Variants in MRC2 observed in about 807,000 individuals in gnomAD.
MRC2 encodes C-type mannose receptor 2.
In MRC2, 84 loss-of-function variants were observed where a neutral mutation model predicts 206.2. That is an observed-to-expected ratio of 0.41 (90% confidence interval 0.34 to 0.49). MRC2 has a LOEUF of 0.49. MRC2 is among the 20% of genes least tolerant of loss of function. MRC2 has a pLI of 0.31. For missense variants in MRC2, 1,676 were observed against 2,001.5 expected (o/e 0.84, Z 3.10); for synonymous variants, 798 against 800.0 (o/e 1.00, Z 0.04).
rs1451400199 is a variant in MRC2, at chr17:62,675,195, GC to G, written c.1570-592del. Among the ~76,000 whole-genome samples the G allele has an allele frequency of 6.6e-6, 1 of 152,130 alleles. No homozygotes were observed. The highest frequency in any genetic ancestry group is 6.5e-5 in the Admixed American group (1 of 15,268). The stretch of plus-strand genomic sequence containing the variant: ...GAGTGTTGAGGGTCCATGGTTAACA[GC>G]CCAGGATCACCAGGGGTCTTGGCAC... On this transcript the variant is annotated intron_variant, in intron 9 of 29. Coordinates refer to ENST00000303375, the MANE Select transcript of MRC2 (RefSeq NM_006039.5). The surrounding 1 kb of genome is among the most constrained non-coding windows in gnomAD (Gnocchi z 4.1).
Position 62,674,097 on chromosome 17 carries a change from C to T in MRC2, c.1496C>T (p.Ser499Phe). 1.3e-6 allele frequency: 2 copies of T among 1,555,302 alleles called. No individual in the cohort carries two copies. Among genetic ancestry groups the T allele is most frequent in the Non-Finnish European group, 1.7e-6 (2 of 1,149,116 alleles). Reference sequence around the variant, plus strand: ...TGGAACGACAGTCCCTGTAACCAGTCCTTGCCATCCATCTGCAAGAAGGCA... The same window carrying T: ...TGGAACGACAGTCCCTGTAACCAGTTCTTGCCATCCATCTGCAAGAAGGCA... Reference protein sequence around the residue: ...GRWNDSPCNQSLPSICKKAGQ... With the variant: ...GRWNDSPCNQFLPSICKKAGQ... The change falls in exon 9 of 30, where the codon TCC becomes TTC. Residue 499 changes from serine (S) to phenylalanine (F), a missense_variant. Physicochemically the swap from Ser to Phe is radical, Grantham distance 155. Around this residue, in one of 3 missense-constraint regions of MRC2, gnomAD observed 1,354 missense variants for 1,636.6 expected, o/e 0.83. Transcript: ENST00000303375.
At chr17:62,665,762 G>A (rs1424297698) in intron 2 of MRC2, among the ~76,000 whole-genome samples, 2 of 152,202 alleles carry the variant, frequency 1.3e-5, no homozygotes, top group Non-Finnish European at 2.9e-5. Flanking sequence ...CCCATGGGCT[G>A]GGTAGCTGAG....
At position 62,689,982 on chromosome 17, in the gene MRC2, C is replaced by G. The variant is rs751063530; in HGVS notation, c.3662C>G (p.Thr1221Ser). Residue 1221 changes from threonine (T) to serine (S), a missense_variant, in exon 25 of 30, where the codon ACC (threonine) becomes AGC (serine). By Grantham distance (58) the Thr-to-Ser change is moderately conservative. Around this residue, in one of 3 missense-constraint regions of MRC2, gnomAD observed 1,354 missense variants for 1,636.6 expected, o/e 0.83. Transcript: ENST00000303375. ...DGEPQQPGGC[T>S]YVDVDGAWRT... The stretch of plus-strand genomic sequence containing the variant: ...GAGCCGCAGCAGCCGGGGGGCTGTA[C>G]CTACGTAGATGTGGACGGGGCCTGG... The G allele has an allele frequency of 6.2e-7, 1 of 1,612,720 alleles. No individual in the cohort carries two copies. Among genetic ancestry groups the G allele is most frequent in the Non-Finnish European group, 8.5e-7 (1 of 1,179,888 alleles).
Position 62,691,078 on chromosome 17 carries a change from C to T in MRC2, c.4142C>T (p.Pro1381Leu). The T allele has an allele frequency of 6.2e-7, 1 of 1,609,918 alleles. No homozygotes were observed. Among genetic ancestry groups the T allele is most frequent in the South Asian group, 1.1e-5 (1 of 90,484 alleles). ...WIQSNSGLWR[P>L]GACTNITMGV... is the part of the protein sequence containing the mutation. ...CAGAGCAACAGCGGGCTATGGCGCCCCGGCGCTTGCACCAACATCACCATG... is the reference window on the plus strand; with the variant it reads ...CAGAGCAACAGCGGGCTATGGCGCCTCGGCGCTTGCACCAACATCACCATG... Residue 1381 changes from proline (P) to leucine (L), a missense_variant, in exon 28 of 30, where the codon CCC (proline) becomes CTC (leucine). Around this residue, in one of 3 missense-constraint regions of MRC2, gnomAD observed 1,354 missense variants for 1,636.6 expected, o/e 0.83. Transcript: ENST00000303375.
intron 1 of MRC2, among the ~76,000 whole-genome samples, chr17:62,650,660 A>G (rs2088545236): frequency 6.6e-6 from 1 of 152,136 alleles, no homozygotes; most frequent in South Asian, 2.1e-4. Context: ...TTTTGCCTAC[A>G]TCTGAGGGTT....
Position 62,679,822 on chromosome 17 carries a change from G to T in MRC2, c.2218G>T (p.Glu740Ter). ...IFGESEPEIHEQHWFWIGLNR... is the reference protein window; with the variant it reads ...IFGESEPEIH The stretch of plus-strand genomic sequence containing the variant: ...AAGTGAATCAGAACCCGAGATCCAC[G>T]AGCAGCACTGGTTCTGGATCGGCCT... Residue 740 changes from glutamate to a stop codon, truncating the protein, a stop_gained, in exon 14 of 30, where the codon GAG becomes TAG. Coordinates refer to ENST00000303375, the MANE Select transcript of MRC2 (RefSeq NM_006039.5). LOFTEE classifies it high-confidence loss of function. 1 of 1,613,956 alleles carries T rather than the reference G, an allele frequency of 6.2e-7. No homozygotes were observed. The highest frequency in any genetic ancestry group is 8.5e-7 in the Non-Finnish European group (1 of 1,179,986).
intron 12 of MRC2, among the ~76,000 whole-genome samples, chr17:62,677,827 G>A (rs1324884670): frequency 6.6e-6 from 1 of 152,150 alleles, no homozygotes; most frequent in Non-Finnish European, 1.5e-5. Context: ...CAAGGCGGGT[G>A]GATCACGAGG....
chr17:62,682,489 G>T, intron 20 of MRC2, 112 bp downstream of exon 20: 1 of 1,278,488 alleles, frequency 7.8e-7, no homozygotes, highest in South Asian at 1.8e-5. Context: ...ATGGCCTCTT[G>T]CCTGTACCCA....
At chr17:62,630,967 G>C (rs2084211447) in intron 1 of MRC2, among the ~76,000 whole-genome samples, 1 of 152,166 alleles carries the variant, frequency 6.6e-6, no homozygotes, top group Admixed American at 6.5e-5. Flanking sequence ...GCCCAGCCGA[G>C]CTGTGGCTAG....
chr17:62,633,787 G>GCCAC (rs1374400218), intron 1 of MRC2, among the ~76,000 whole-genome samples: 1 of 139,878 alleles, frequency 7.1e-6, no homozygotes, highest in Non-Finnish European at 1.5e-5. Context: ...GCTGTAGTGA[G>GCCAC]CCACGATTGC....
At position 62,680,414 on chromosome 17, in the gene MRC2, C is replaced by T. The variant is rs754524892; in HGVS notation, c.2438-4C>T. On this transcript the variant is annotated splice_region_variant and splice_polypyrimidine_tract_variant and intron_variant, in intron 15 of 29. Transcript: ENST00000303375. The surrounding 1 kb of genome is among the most constrained non-coding windows in gnomAD (Gnocchi z 4.8). ...TCACAACGTCTTTGTCCTTGTTCCC[C>T]TAGGTACGGACGTGCGGGAGCCCGA... The T allele has an allele frequency of 5.0e-5, 80 of 1,614,030 alleles. 1 individual carries two copies. The South Asian group carries it at 8.5e-4, about 17-fold the overall frequency.
intron 12 of MRC2, among the ~76,000 whole-genome samples, chr17:62,678,154 C>A (rs937571522): frequency 2.0e-5 from 3 of 152,194 alleles, no homozygotes; most frequent in Non-Finnish European, 4.4e-5. Context: ...TTTTTAATCA[C>A]GCTAGGTTTG....
At position 62,675,826 on chromosome 17, in the gene MRC2, G is replaced by A. The variant is rs1234641921; in HGVS notation, c.1606G>A (p.Gly536Arg). The A allele has an allele frequency of 6.2e-7, 1 of 1,614,154 alleles. No individual in the cohort carries two copies. The highest frequency in any genetic ancestry group is 1.7e-5 in the Admixed American group (1 of 60,020). The change falls in exon 10 of 30, where the codon GGA becomes AGA. Residue 536 changes from glycine to arginine, a missense_variant. Transcript: ENST00000303375. This position sits in a 1 kb window ranked among gnomAD's most constrained non-coding sequence, Gnocchi z 4.1. ...GCACAGCCCATCCTGCTACTGGCTG[G>A]GAGAAGACCAAGTGACCTACAGTGA... ...TWHSPSCYWLGEDQVTYSEAR... is the reference protein window; with the variant it reads ...TWHSPSCYWLREDQVTYSEAR...
chr17:62,646,423 G>A (rs1005271700), intron 1 of MRC2, among the ~76,000 whole-genome samples: 18 of 152,274 alleles, frequency 1.2e-4, no homozygotes, highest in Admixed American at 7.2e-4. Flanking sequence ...GCCCCAAAGT[G>A]CTGTGTTTAT....
chr17:62,663,845 AAT>A (rs1329086209), intron 1 of MRC2, among the ~76,000 whole-genome samples: 3 of 152,156 alleles, frequency 2.0e-5, no homozygotes, highest in Non-Finnish European at 4.4e-5. Flanking sequence ...CACGCCATGT[AAT>A]AGAGATTGAG....
chr17:62,631,307 C>A (rs921508233), intron 1 of MRC2, among the ~76,000 whole-genome samples: 4 of 152,090 alleles, frequency 2.6e-5, no homozygotes, highest in African/African-American at 9.7e-5. Flanking sequence ...CTGGCAGTAG[C>A]TCTTCGGCAC....
chr17:62,668,473 T>G (rs944527176), intron 6 of MRC2, among the ~76,000 whole-genome samples: 1 of 151,612 alleles, frequency 6.6e-6, no homozygotes, highest in Non-Finnish European at 1.5e-5. Context: ...TCTAACCACT[T>G]CAAGTATGGT....
At position 62,689,539 on chromosome 17, in the gene MRC2, TCC is replaced by T; in HGVS notation, c.3355_3356del (p.Pro1119SerfsTer10). On this transcript the variant is annotated frameshift_variant, in exon 24 of 30. Transcript: ENST00000303375. LOFTEE classifies it high-confidence loss of function. Reference sequence around the variant, plus strand: ...CCCTGTAGACCCCTCCCTGAGCCCGTCCCCAGCAGCGCTGCCCCCCGCCCCGG... The same window carrying T: ...CCCTGTAGACCCCTCCCTGAGCCCGTCCAGCAGCGCTGCCCCCCGCCCCGG... ...QKGTDPSLSP[S>X]PAALPPAPGT... 6.3e-7 allele frequency: 1 copy of T among 1,582,388 alleles called. No homozygotes were observed. Among genetic ancestry groups the T allele is most frequent in the Non-Finnish European group, 8.6e-7 (1 of 1,163,026 alleles).
chr17:62,635,473 G>GAC (rs1201044084), intron 1 of MRC2, among the ~76,000 whole-genome samples: 3 of 152,064 alleles, frequency 2.0e-5, no homozygotes, highest in Non-Finnish European at 4.4e-5. Flanking sequence ...ATAAAACCAA[G>GAC]ACAGACTAGG....
Sources: gnomAD v4.1 joint callset for allele counts (sites outside exome capture counted in the v4.1 genomes callset) on GRCh38, gnomAD v4.1.1 for gene constraint, gnomAD v4.1.1 regional missense constraint, Gnocchi (gnomAD v3.1) non-coding constraint, MANE v1.5 for transcripts, NCBI Gene and HGNC (gene_info 2026-07-23, HGNC 2026-07-21) for gene names.